The following RBFOX1 variants were observed in gnomAD, a reference collection of about 807,000 sequenced individuals.
RBFOX1 encodes the protein RNA binding fox-1 homolog 1, also known as RNA binding protein fox-1 homolog 1.
A neutral mutation model predicts 57.7 loss-of-function variants in RBFOX1; 8 were observed. The ratio of observed to expected loss-of-function variants is 0.14; its 90% CI spans 0.08 to 0.25. RBFOX1 has a LOEUF of 0.25. RBFOX1 is among the 10% of genes least tolerant of loss of function. The pLI, the probability that RBFOX1 is intolerant of heterozygous loss-of-function variation, is 1.00. For missense variants in RBFOX1, 611 were observed against 548.5 expected (o/e 1.11, Z -1.14); for synonymous variants, 326 against 222.4 (o/e 1.47, Z -4.15).
chr16:7,549,307 G>C (rs903109858), intron 5 of RBFOX1, among the ~76,000 whole-genome samples: 2 of 152,216 alleles, frequency 1.3e-5, no homozygotes, highest in African/African-American at 4.8e-5. Flanking sequence ...AGAAGTGTTT[G>C]AAATGAGGTT....
intron 3 of RBFOX1, among the ~76,000 whole-genome samples, chr16:6,975,268 T>G (rs1021410182): frequency 1.6e-5 from 1 of 62,208 alleles, no homozygotes; most frequent in African/African-American, 9.0e-5. Context: ...GTCCTTTTTT[T>G]ATTATTTTTT....
chr16:7,062,914 T>TTTTTTTTTTTTA (rs2054899238), intron 4 of RBFOX1, among the ~76,000 whole-genome samples: 1 of 140,274 alleles, frequency 7.1e-6, no homozygotes, highest in African/African-American at 2.8e-5. Flanking sequence ...TTTTTTTTTT[T>TTTTTTTTTTTTA]TTTTTTTTTT....
intron 4 of RBFOX1, among the ~76,000 whole-genome samples, chr16:7,210,258 C>A (rs1023387973): frequency 6.6e-6 from 1 of 152,068 alleles, no homozygotes; most frequent in African/African-American, 2.4e-5. Context: ...TATAGGATTG[C>A]GAGGCTGACT....
At chr16:6,150,587 T>C (rs12443575) in intron 1 of RBFOX1, among the ~76,000 whole-genome samples, 18,287 of 152,252 alleles carry the variant, frequency 0.12, 1,338 homozygotes, top group Admixed American at 0.24. Context: ...AGAGGTGTTA[T>C]TCCTGTCCCC....
At chr16:7,710,135 A>G in intron 15 of RBFOX1, 1 of 1,021,422 alleles carries the variant, frequency 9.8e-7, no homozygotes, top group Non-Finnish European at 1.2e-6. Flanking sequence ...ACAACTCCAC[A>G]ACTCCCTTCT....
At chr16:6,832,447 G>A (rs1258371491) in intron 3 of RBFOX1, among the ~76,000 whole-genome samples, 1 of 152,130 alleles carries the variant, frequency 6.6e-6, no homozygotes, top group Non-Finnish European at 1.5e-5. Flanking sequence ...GATGAAAATG[G>A]TGCCAAAACC....
intron 4 of RBFOX1, among the ~76,000 whole-genome samples, chr16:6,009,848 G>A (rs554600081): frequency 4.7e-5 from 7 of 150,218 alleles, no homozygotes; most frequent in Non-Finnish European, 7.4e-5. Context: ...AGGGGGATTT[G>A]AAAATTCAGA....
intron 4 of RBFOX1, among the ~76,000 whole-genome samples, chr16:5,975,639 A>G (rs1335524032): frequency 6.6e-6 from 1 of 152,054 alleles, no homozygotes; most frequent in East Asian, 1.9e-4. Context: ...TCAGTTCTGG[A>G]GTAAAGGATG....
chr16:7,693,850 C>G (rs934160476), intron 14 of RBFOX1, among the ~76,000 whole-genome samples: 9 of 152,138 alleles, frequency 5.9e-5, no homozygotes, highest in African/African-American at 1.9e-4. Flanking sequence ...TTATCTCTGT[C>G]TTATAAGAAG....
chr16:6,355,481 T>C (rs573974250), intron 2 of RBFOX1, among the ~76,000 whole-genome samples: 1 of 152,320 alleles, frequency 6.6e-6, no homozygotes, highest in Non-Finnish European at 1.5e-5. Flanking sequence ...TTTTTATGGC[T>C]GCATAGTATT....
chr16:5,449,007 C>T (rs922100649), intron 1 of RBFOX1, among the ~76,000 whole-genome samples: 1 of 152,102 alleles, frequency 6.6e-6, no homozygotes, highest in Admixed American at 6.5e-5. Flanking sequence ...TGCACGTGGC[C>T]AGGTCACAGA....
At chr16:5,739,246 G>T (rs1249385477) in intron 3 of RBFOX1, among the ~76,000 whole-genome samples, 1 of 152,206 alleles carries the variant, frequency 6.6e-6, no homozygotes, top group African/African-American at 2.4e-5. Context: ...GGGGAACTTG[G>T]CGTCCAATAT....
intron 2 of RBFOX1, among the ~76,000 whole-genome samples, chr16:5,530,447 G>C (rs1271560831): frequency 6.6e-6 from 1 of 152,132 alleles, no homozygotes; most frequent in Non-Finnish European, 1.5e-5. Flanking sequence ...TGTCAACCCA[G>C]ACCACTCGAC....
chr16:7,159,349 C>T (rs1246058381), intron 4 of RBFOX1, among the ~76,000 whole-genome samples: 2 of 152,062 alleles, frequency 1.3e-5, no homozygotes, highest in Non-Finnish European at 2.9e-5. Context: ...GGGTGGCAAG[C>T]CCCTGGTGAA....
intron 4 of RBFOX1, among the ~76,000 whole-genome samples, chr16:7,375,500 T>A (rs949763745): frequency 3.3e-5 from 5 of 151,316 alleles, no homozygotes; most frequent in African/African-American, 1.2e-4. Flanking sequence ...GAGGTTTTGT[T>A]TTTTTGTTTT....
chr16:5,693,515 A>T lies in RBFOX1; in HGVS notation c.318+94554A>T, dbSNP rs1402060571. 3.9e-5 allele frequency among the ~76,000 whole-genome samples: 6 copies of T among 152,214 alleles called. No individual in the cohort carries two copies. In the East Asian group the frequency reaches 1.2e-3, roughly 29 times the overall value. ...ATACATAATACTTGTGGAACAAAAA[A>T]GGTTAAAAAACTCATTATATGTTGG... is the stretch of plus-strand genomic sequence containing the variant. On this transcript the variant is annotated intron_variant, in intron 3 of 19. Transcript: ENST00000641259.
chr16:6,770,419 A>C (rs1287532859), intron 3 of RBFOX1, among the ~76,000 whole-genome samples: 1 of 152,196 alleles, frequency 6.6e-6, no homozygotes, highest in African/African-American at 2.4e-5. Flanking sequence ...ATAAAGTTGT[A>C]TTATGTATAC....
intron 1 of RBFOX1, among the ~76,000 whole-genome samples, chr16:6,043,095 G>A (rs985269824): frequency 8.6e-6 from 1 of 116,544 alleles, no homozygotes; most frequent in Non-Finnish European, 1.6e-5. Context: ...TGCAGCCTGG[G>A]CGACAGAGCA....
chr16:5,797,968 AT>A, intron 3 of RBFOX1, among the ~76,000 whole-genome samples: 1 of 152,336 alleles, frequency 6.6e-6, no homozygotes, highest in African/African-American at 2.4e-5. Context: ...TGCATCATTT[AT>A]TCTTTCAAAC....
Sources: gnomAD v4.1 joint callset for allele counts (sites outside exome capture counted in the v4.1 genomes callset) on GRCh38, gnomAD v4.1.1 for gene constraint, MANE v1.5 for transcripts, NCBI Gene and HGNC (gene_info 2026-07-23, HGNC 2026-07-21) for gene names.